The following PBRM1 variants were observed in gnomAD, a reference collection of about 807,000 sequenced individuals.
The protein encoded by PBRM1 is polybromo 1.
A neutral mutation model predicts 194.5 loss-of-function variants in PBRM1; 27 were observed. The observed-to-expected ratio is 0.14, with a 90% CI of 0.10 to 0.19. The LOEUF (loss-of-function observed/expected upper bound fraction) is 0.19. Ranked by LOEUF, PBRM1 falls within the 10% of genes least tolerant of loss-of-function variation. The probability of loss-of-function intolerance (pLI) is 1.00; values close to 1 mark genes in which losing one functional copy is unlikely to be tolerated. For synonymous variants in PBRM1, 655 were observed against 693.2 expected, an observed-to-expected ratio of 0.94 and a Z score of 0.87; for missense variants, 1,466 against 2,077.2, an observed-to-expected ratio of 0.71 and a Z score of 5.72.
At chr3:52,615,455 A>G in exon 15 of PBRM1, 3 of 1,554,638 alleles carry the variant, frequency 1.9e-6, no homozygotes, top group Non-Finnish European at 2.7e-6. Flanking sequence ...ATCATTATAA[A>G]CCTACATTCC....
intron 8 of PBRM1, among the ~76,000 whole-genome samples, 155 bp from the exon 10 acceptor site, chr3:52,643,498 T>G (rs908078651): frequency 6.6e-6 from 1 of 152,210 alleles, no homozygotes; most frequent in Admixed American, 6.5e-5. Context: ...CTTCAGGCCC[T>G]GGGGACTCTG....
intron 5 of PBRM1, 117 bp downstream of exon 6, chr3:52,658,082 C>A (rs1457751958): frequency 1.2e-5 from 7 of 608,520 alleles, no homozygotes; most frequent in Non-Finnish European, 1.2e-5. Context: ...CATGAGCCAC[C>A]ACACCCGGCC....
rs745815678 is a variant in PBRM1 at position 52,609,833 on chromosome 3, T to C, written c.2047A>G (p.Ile683Val). ...GATCTAGAGGGAAGCCTCAGAAATATGGCACTGAGGCGGCGACCCCTCTTA... is the reference window on the plus strand; with the variant it reads ...GATCTAGAGGGAAGCCTCAGAAATACGGCACTGAGGCGGCGACCCCTCTTA... Residue 683 changes from isoleucine to valine, a missense_variant, in exon 16 of 30, where the codon ATA becomes GTA. Physicochemically the swap from Ile to Val is conservative, Grantham distance 29. Around this residue, in one of 5 missense-constraint regions of PBRM1, gnomAD observed 687 missense variants for 946.2 expected, o/e 0.73. Transcript: ENST00000296302. This position sits in a 1 kb window ranked among gnomAD's most constrained non-coding sequence, Gnocchi z 4.1. 6.8e-6 allele frequency: 11 copies of C among 1,613,510 alleles called. No homozygotes were observed. The highest frequency in any genetic ancestry group is 1.7e-5 in the Admixed American group (1 of 59,852).
intron 2 of PBRM1, among the ~76,000 whole-genome samples, chr3:52,674,962 T>A (rs2097062987): frequency 6.6e-6 from 1 of 151,132 alleles, no homozygotes. Context: ...CAAGATCCTG[T>A]CTCAAAAAAA....
At chr3:52,566,477 C>T (rs1032388098) in intron 22 of PBRM1, among the ~76,000 whole-genome samples, 1 of 152,022 alleles carries the variant, frequency 6.6e-6, no homozygotes, top group Admixed American at 6.6e-5. Context: ...GAATATACAG[C>T]CTTAGGAATA....
At chr3:52,630,419 A>G (rs1322278703) in intron 11 of PBRM1, among the ~76,000 whole-genome samples, 1 of 152,340 alleles carries the variant, frequency 6.6e-6, no homozygotes, top group Non-Finnish European at 1.5e-5. Context: ...AAAATTAAAT[A>G]AAACTTAAAA....
rs1027623663 is a variant in PBRM1 at position 52,579,276 on chromosome 3, T to C, written c.3388-77A>G. The C allele has an allele frequency of 1.9e-5, 26 of 1,342,104 alleles. No individual in the cohort carries two copies. In the African/African-American group the frequency reaches 3.2e-4, roughly 16 times the overall value. 83.1% of individuals were successfully genotyped at this position (1,342,104 alleles called of 1,614,324 possible). A position where few individuals can be genotyped will look rare whatever the true frequency, so the allele number is the denominator to read the frequency against. ...AGAAGGTAAGAAACGAAAGCAGACT[T>C]TTCTTTCACATTAACTTAAAAGAAA... is the stretch of plus-strand genomic sequence containing the variant. On this transcript the variant is annotated intron_variant, in intron 20 of 29. Coordinates refer to ENST00000296302, the Ensembl canonical transcript of PBRM1.
At position 52,579,265 on chromosome 3, in the gene PBRM1, G is replaced by A. The variant is rs538455159; in HGVS notation, c.3388-66C>T. 121 of 1,414,376 alleles carry A rather than the reference G, an allele frequency of 8.6e-5. No homozygotes were observed. The African/African-American group carries it at 1.2e-3, about 14-fold the overall frequency. 87.6% of individuals were successfully genotyped at this position (1,414,376 alleles called of 1,614,324 possible). A position where few individuals can be genotyped will look rare whatever the true frequency, so the allele number is the denominator to read the frequency against. ...TCAAGGAATAGAGAAGGTAAGAAAC[G>A]AAAGCAGACTTTTCTTTCACATTAA... On this transcript the variant is annotated intron_variant, in intron 20 of 29. Coordinates refer to ENST00000296302, the Ensembl canonical transcript of PBRM1.
At chr3:52,625,806 G>A (rs941572255) in intron 13 of PBRM1, among the ~76,000 whole-genome samples, 1 of 152,032 alleles carries the variant, frequency 6.6e-6, no homozygotes, top group Non-Finnish European at 1.5e-5. Flanking sequence ...CGAAACTCCT[G>A]ACCTCAAGTG....
At chr3:52,596,984 G>A (rs1305782626) in intron 17 of PBRM1, among the ~76,000 whole-genome samples, 1 of 152,136 alleles carries the variant, frequency 6.6e-6, no homozygotes, top group Non-Finnish European at 1.5e-5. Context: ...CAGTGGCAAG[G>A]CTTGCTGGAA....
At chr3:52,649,848 C>T (rs33967311) in intron 6 of PBRM1, among the ~76,000 whole-genome samples, 40 of 151,932 alleles carry the variant, frequency 2.6e-4, no homozygotes, top group African/African-American at 9.7e-4. Context: ...GACCTTGAAT[C>T]GGGTGATGGC....
intron 4 of PBRM1, among the ~76,000 whole-genome samples, chr3:52,659,858 G>A (rs1234535502): frequency 6.6e-6 from 1 of 152,222 alleles, no homozygotes; most frequent in Non-Finnish European, 1.5e-5. Context: ...TTGGGAAGGT[G>A]AAGTGGGAGG....
At chr3:52,545,704 C>A (rs771216450), downstream of PBRM1, 5 of 233,032 alleles carry the variant, frequency 2.1e-5, no homozygotes, top group Admixed American at 5.6e-5. Flanking sequence ...CCCCTCAGTC[C>A]CCCCGTTTGC....
rs184191156 is a variant in PBRM1, at chr3:52,566,861, G to A, written c.3692-2628C>T. 2.5e-3 allele frequency among the ~76,000 whole-genome samples: 380 copies of A among 152,264 alleles called. 3 individuals carry two copies. The highest frequency in any genetic ancestry group is 3.8e-3 in the Non-Finnish European group (261 of 68,024). On this transcript the variant is annotated intron_variant, in intron 22 of 29. Coordinates refer to ENST00000296302, the Ensembl canonical transcript of PBRM1. ...AGGTGGGCGGATCACCTGAGGTCAG[G>A]AGTTTGAGACCAGCCTGGCCAACAT...
chr3:52,596,461 A>T (rs2093564664), intron 17 of PBRM1, among the ~76,000 whole-genome samples: 1 of 140,322 alleles, frequency 7.1e-6, no homozygotes, highest in Non-Finnish European at 1.5e-5. Context: ...AAAAAAAAAA[A>T]AAAAAAAAAA....
At chr3:52,610,307 T>A (rs931435560) in intron 15 of PBRM1, among the ~76,000 whole-genome samples, 5 of 152,224 alleles carry the variant, frequency 3.3e-5, no homozygotes, top group Non-Finnish European at 4.4e-5. Flanking sequence ...AGGACATTAA[T>A]AATTACCTTG....
intron 5 of PBRM1, among the ~76,000 whole-genome samples, chr3:52,652,696 A>T (rs576063324): frequency 3.5e-4 from 52 of 148,074 alleles, no homozygotes; most frequent in African/African-American, 1.1e-3. Flanking sequence ...TCTCAAAAAA[A>T]AAATAAATAA....
At chr3:52,600,040 T>G (rs1255449662) in intron 17 of PBRM1, among the ~76,000 whole-genome samples, 2 of 152,184 alleles carry the variant, frequency 1.3e-5, no homozygotes. Flanking sequence ...TTCATTGATA[T>G]ATAATATAAA....
At chr3:52,645,073 C>G (rs1276723208) in intron 7 of PBRM1, among the ~76,000 whole-genome samples, 1 of 152,090 alleles carries the variant, frequency 6.6e-6, no homozygotes, top group South Asian at 2.1e-4. Context: ...CAGTAATGCC[C>G]CACTGTCCGT....
Sources: allele counts gnomAD v4.1 joint callset (sites outside exome capture counted in the v4.1 genomes callset), GRCh38; gene constraint gnomAD v4.1.1; regional missense constraint gnomAD v4.1.1; non-coding constraint Gnocchi (gnomAD v3.1); transcripts MANE v1.5; gene names NCBI Gene and HGNC (gene_info 2026-07-23, HGNC 2026-07-21).